TAFA1: variants seen among roughly 807,000 people sequenced by gnomAD.
The protein encoded by TAFA1 is TAFA chemokine like family member 1.
A neutral mutation model predicts 18.5 loss-of-function variants in TAFA1; 4 were observed. The ratio of observed to expected loss-of-function variants is 0.22; its 90% CI spans 0.11 to 0.49. The LOEUF is 0.49. Ranked by LOEUF, TAFA1 falls within the 20% of genes least tolerant of loss-of-function variation. TAFA1 has a pLI of 0.98. For missense variants in TAFA1, 147 were observed against 169.0 expected (o/e 0.87, Z 0.72); for synonymous variants, 56 against 55.2 (o/e 1.01, Z -0.06).
intron 3 of TAFA1, among the ~76,000 whole-genome samples, chr3:68,520,067 T>C (rs1383787653): frequency 6.6e-6 from 1 of 152,180 alleles, no homozygotes; most frequent in Non-Finnish European, 1.5e-5. Context: ...TTGCCTATAC[T>C]CAGAATGTTG....
intron 2 of TAFA1, among the ~76,000 whole-genome samples, chr3:68,218,677 T>A (rs992313017): frequency 2.0e-5 from 3 of 152,138 alleles, no homozygotes; most frequent in Non-Finnish European, 2.9e-5. Context: ...AAACAAAACT[T>A]GTAAGAAAGA....
At chr3:68,143,838 C>G (rs909040498) in intron 2 of TAFA1, among the ~76,000 whole-genome samples, 1 of 152,110 alleles carries the variant, frequency 6.6e-6, no homozygotes, top group Admixed American at 6.5e-5. Context: ...CCTAAGATCC[C>G]TGCCAATCCT....
At position 68,060,875 on chromosome 3, in the gene TAFA1, A is replaced by G. The variant is rs184259611; in HGVS notation, c.118+54131A>G. On this transcript the variant is annotated intron_variant, in intron 2 of 4. Transcript: ENST00000478136. Reference sequence around the variant, plus strand: ...GCTCTTGTTAGTGGTTAGGCGCTATATAATGAAAATATGGATTTGTTCAAG... The same window carrying G: ...GCTCTTGTTAGTGGTTAGGCGCTATGTAATGAAAATATGGATTTGTTCAAG... 1.2e-3 allele frequency among the ~76,000 whole-genome samples: 189 copies of G among 152,354 alleles called. 1 individual carries two copies. The highest frequency in any genetic ancestry group is 4.3e-3 in the African/African-American group (179 of 41,584).
At chr3:68,080,599 C>T (rs902295930) in intron 2 of TAFA1, among the ~76,000 whole-genome samples, 5 of 152,096 alleles carry the variant, frequency 3.3e-5, no homozygotes, top group Admixed American at 2.0e-4. Flanking sequence ...ATATGAAATT[C>T]TGGGTTGAAA....
At chr3:68,296,633 C>T (rs1394800628) in intron 2 of TAFA1, among the ~76,000 whole-genome samples, 3 of 151,868 alleles carry the variant, frequency 2.0e-5, no homozygotes, top group African/African-American at 7.3e-5. Flanking sequence ...TTTTAGGTCT[C>T]TCTTGAAGTG....
chr3:68,379,821 T>A (rs2069897911), intron 2 of TAFA1, among the ~76,000 whole-genome samples: 3 of 151,888 alleles, frequency 2.0e-5, no homozygotes, highest in South Asian at 2.1e-4. Context: ...AACATGCAGG[T>A]TTGTTACATA....
intron 2 of TAFA1, among the ~76,000 whole-genome samples, chr3:68,056,059 T>TA (rs1189788421): frequency 1.3e-5 from 2 of 152,186 alleles, no homozygotes. Context: ...ATCTTTCCAA[T>TA]GGCCAATGCC....
chr3:68,440,658 G>T (rs1367870367), intron 3 of TAFA1, among the ~76,000 whole-genome samples: 1 of 152,118 alleles, frequency 6.6e-6, no homozygotes, highest in Non-Finnish European at 1.5e-5. Context: ...CTTCATTCCT[G>T]AAGGGTCTGG....
At chr3:68,016,416 T>C (rs1285400213) in intron 2 of TAFA1, among the ~76,000 whole-genome samples, 1 of 152,190 alleles carries the variant, frequency 6.6e-6, no homozygotes, top group Non-Finnish European at 1.5e-5. Flanking sequence ...GTCATATAGG[T>C]AAACTTGTGT....
chr3:68,329,770 A>G (rs1224844488), intron 2 of TAFA1, among the ~76,000 whole-genome samples: 1 of 152,214 alleles, frequency 6.6e-6, no homozygotes, highest in African/African-American at 2.4e-5. Context: ...GTGGCTGTGT[A>G]TGAATAATCT....
At chr3:68,298,061 G>T (rs968927131) in intron 2 of TAFA1, among the ~76,000 whole-genome samples, 1 of 152,168 alleles carries the variant, frequency 6.6e-6, no homozygotes, top group Non-Finnish European at 1.5e-5. Context: ...TGCACTTGGA[G>T]ATGTTTTCCC....
At chr3:68,436,008 T>A (rs1330103551) in intron 3 of TAFA1, among the ~76,000 whole-genome samples, 2 of 152,174 alleles carry the variant, frequency 1.3e-5, no homozygotes, top group Non-Finnish European at 1.5e-5. Flanking sequence ...TTGCATTTTT[T>A]AAAAGCTCCA....
At chr3:68,395,993 G>C (rs1278518970) in intron 2 of TAFA1, among the ~76,000 whole-genome samples, 3 of 151,954 alleles carry the variant, frequency 2.0e-5, no homozygotes, top group African/African-American at 7.3e-5. Context: ...AATTGTGTTT[G>C]AGAGTGTCTG....
At position 68,260,487 on chromosome 3, in the gene TAFA1, T is replaced by C. The variant is rs141861125; in HGVS notation, c.119-156793T>C. ...TAGGGAGGATTCCCTCTTTTTCTAT[T>C]GATTGGAATAGTTTCAGAAGGAAAT... is the stretch of plus-strand genomic sequence containing the variant. On this transcript the variant is annotated intron_variant, in intron 2 of 4. Coordinates refer to ENST00000478136, the MANE Select transcript of TAFA1 (RefSeq NM_213609.4). Among the ~76,000 whole-genome samples the C allele has an allele frequency of 3.2e-3, 488 of 152,308 alleles. 2 individuals are homozygous for C. Among genetic ancestry groups the C allele is most frequent in the African/African-American group, 0.011 (455 of 41,574 alleles).
chr3:68,351,069 C>A (rs1199294120), intron 2 of TAFA1, among the ~76,000 whole-genome samples: 3 of 152,098 alleles, frequency 2.0e-5, no homozygotes, highest in Non-Finnish European at 4.4e-5. Flanking sequence ...ATACAGGGAG[C>A]TTTTTAAATT....
intron 2 of TAFA1, among the ~76,000 whole-genome samples, chr3:68,071,087 T>G (rs1248296483): frequency 6.6e-6 from 1 of 152,212 alleles, no homozygotes; most frequent in African/African-American, 2.4e-5. Context: ...CCCATTCTCC[T>G]GGTCCCAATT....
At chr3:68,292,518 G>T (rs1240367561) in intron 2 of TAFA1, among the ~76,000 whole-genome samples, 1 of 151,086 alleles carries the variant, frequency 6.6e-6, no homozygotes, top group Non-Finnish European at 1.5e-5. Flanking sequence ...ATAATCGTTT[G>T]CCTCTTTCCT....
intron 2 of TAFA1, among the ~76,000 whole-genome samples, chr3:68,076,534 A>G (rs1462765097): frequency 5.1e-4 from 69 of 134,774 alleles, no homozygotes; most frequent in African/African-American, 1.8e-3. Flanking sequence ...TTCAATTCCC[A>G]CCTACGAGTG....
chr3:68,427,170 C>T (rs539031659), intron 3 of TAFA1, among the ~76,000 whole-genome samples: 6 of 151,824 alleles, frequency 4.0e-5, no homozygotes, highest in Non-Finnish European at 8.8e-5. Context: ...CCCAAAGTAG[C>T]CCCCAAGTCA....
Sources: gnomAD v4.1 joint callset for allele counts (sites outside exome capture counted in the v4.1 genomes callset) on GRCh38, gnomAD v4.1.1 for gene constraint, MANE v1.5 for transcripts, NCBI Gene and HGNC (gene_info 2026-07-23, HGNC 2026-07-21) for gene names.